Variants in CUBN observed in about 807,000 individuals in gnomAD.
CUBN encodes the protein cubilin.
Under a neutral mutation model 405.3 loss-of-function variants are expected in CUBN, and 282 were observed. The observed-to-expected ratio is 0.70, with a 90% confidence interval of 0.63 to 0.77. The LOEUF is 0.77. CUBN is among the 30% of genes least tolerant of loss of function. The probability of loss-of-function intolerance (pLI) is 0.00; values close to 1 mark genes in which losing one functional copy is unlikely to be tolerated. For missense variants in CUBN, 4,514 were observed against 4,475.2 expected (o/e 1.01, Z -0.25); for synonymous variants, 1,684 against 1,617.0 (o/e 1.04, Z -0.99).
At chr10:16,829,358 A>AAC (rs1554779107) in intron 65 of CUBN, among the ~76,000 whole-genome samples, 1 of 151,198 alleles carries the variant, frequency 6.6e-6, no homozygotes, top group Non-Finnish European at 1.5e-5. Flanking sequence ...AAAAAAAAAA[A>AAC]CAAACTTGAT....
At chr10:17,083,826 C>T (rs1273278549) in intron 17 of CUBN, among the ~76,000 whole-genome samples, 1 of 152,084 alleles carries the variant, frequency 6.6e-6, no homozygotes, top group African/African-American at 2.4e-5. Context: ...CCAGGCCCAG[C>T]AAACAAAAAC....
At chr10:17,095,728 T>C (rs1452236984) in intron 14 of CUBN, among the ~76,000 whole-genome samples, 2 of 152,088 alleles carry the variant, frequency 1.3e-5, no homozygotes, top group African/African-American at 4.8e-5. Context: ...GATTCAGCAA[T>C]CTCACTTCTG....
In CUBN at chr10:17,065,450, A is replaced by G. The variant is rs538882962; in HGVS notation, c.3139+58T>C. 70 of 1,604,570 alleles carry G rather than the reference A, an allele frequency of 4.4e-5. 2 individuals carry two copies. Among genetic ancestry groups the G allele is most frequent in the Admixed American group, 3.0e-4 (18 of 59,910 alleles). On this transcript the variant is annotated intron_variant, in intron 22 of 66. Coordinates refer to ENST00000377833, the MANE Select transcript of CUBN (RefSeq NM_001081.4). ...GATGTATTCTCATTGTGTTTTAGCT[A>G]TTAGCACTGTTTTGCAATGGAGTCA...
intron 15 of CUBN, among the ~76,000 whole-genome samples, chr10:17,086,363 A>C (rs1836109737): frequency 6.6e-6 from 1 of 152,200 alleles, no homozygotes; most frequent in South Asian, 2.1e-4. Context: ...TTCATTATAA[A>C]TTCTTAGTGA....
chr10:17,129,655 G>C lies in CUBN; in HGVS notation c.111C>G (p.Ile37Met). Residue 37 changes from isoleucine to methionine, a missense_variant, in exon 1 of 67, where the codon ATC becomes ATG. Coordinates refer to ENST00000377833, the MANE Select transcript of CUBN (RefSeq NM_001081.4). ...ATGTGTTTACTTACTGTTGGAGATTGATGCTTCTTTTTTGTCTCTGCAGCT... is the reference window on the plus strand; with the variant it reads ...ATGTGTTTACTTACTGTTGGAGATTCATGCTTCTTTTTTGTCTCTGCAGCT... The part of the protein sequence containing the change: ...ELELQRQKRS[I>M]NLQQPRMATE... 6.2e-7 allele frequency: 1 copy of C among 1,614,150 alleles called. No homozygotes were observed. The highest frequency in any genetic ancestry group is 8.5e-7 in the Non-Finnish European group (1 of 1,180,000).
At chr10:16,917,846 T>C (rs538476204) in intron 45 of CUBN, among the ~76,000 whole-genome samples, 1 of 152,212 alleles carries the variant, frequency 6.6e-6, no homozygotes, top group Non-Finnish European at 1.5e-5. Flanking sequence ...TCATGGTTTT[T>C]AAAAAAGTTT....
chr10:16,918,706 A>G lies in CUBN; in HGVS notation c.6916T>C (p.Trp2306Arg), dbSNP rs1322005237. The G allele has an allele frequency of 1.9e-5, 31 of 1,613,956 alleles. No individual in the cohort carries two copies. The highest frequency in any genetic ancestry group is 2.4e-5 in the Non-Finnish European group (28 of 1,179,892). ...AAATACATAACCTCTCCTGAGGACC[A>G]CTGACTGCTGGGCAAAGATGTCCCA... ...FCGTSLPSSQ[W>R]SSGEVMYLRF... The change falls in exon 45 of 67, where the codon TGG (tryptophan) becomes CGG (arginine). Residue 2306 changes from tryptophan to arginine, a missense_variant. Around this residue, in one of 5 missense-constraint regions of CUBN, gnomAD observed 1,613 missense variants for 1,542.8 expected, o/e 1.05. Coordinates refer to ENST00000377833, the MANE Select transcript of CUBN (RefSeq NM_001081.4).
At chr10:17,128,626 G>A (rs75647780) in intron 2 of CUBN, among the ~76,000 whole-genome samples, 5,191 of 152,118 alleles carry the variant, frequency 0.034, 287 homozygotes, top group African/African-American at 0.12. Flanking sequence ...GCATTGTCTG[G>A]CACAATGAGC....
At chr10:16,841,984 T>A (rs1158262381) in intron 60 of CUBN, among the ~76,000 whole-genome samples, 1 of 145,780 alleles carries the variant, frequency 6.9e-6, no homozygotes, top group Non-Finnish European at 1.5e-5. Context: ...AACATTCCCA[T>A]CTCCTTTCCT....
intron 59 of CUBN, among the ~76,000 whole-genome samples, chr10:16,852,850 T>A (rs544185600): frequency 6.6e-6 from 1 of 152,342 alleles, no homozygotes; most frequent in East Asian, 1.9e-4. Flanking sequence ...ACAAATCTTT[T>A]ATTTACACAG....
At chr10:17,104,811 AAT>A (rs1491580643) in intron 11 of CUBN, among the ~76,000 whole-genome samples, 9 of 122,590 alleles carry the variant, frequency 7.3e-5, no homozygotes, top group Non-Finnish European at 1.4e-4. Context: ...ATATATATAT[AAT>A]TTTTTTTTTT....
chr10:16,962,440 G>A (rs1457313079), intron 31 of CUBN, among the ~76,000 whole-genome samples: 1 of 151,874 alleles, frequency 6.6e-6, no homozygotes, highest in Non-Finnish European at 1.5e-5. Flanking sequence ...TTTCCAACTG[G>A]AGATTGTAGG....
chr10:16,861,069 G>T (rs1050921684), intron 59 of CUBN, among the ~76,000 whole-genome samples: 3 of 151,838 alleles, frequency 2.0e-5, no homozygotes, highest in African/African-American at 7.3e-5. Flanking sequence ...CATTACCAAT[G>T]TTCAGGTTAG....
intron 59 of CUBN, among the ~76,000 whole-genome samples, chr10:16,853,952 T>G (rs938588859): frequency 5.3e-5 from 8 of 152,160 alleles, no homozygotes; most frequent in Non-Finnish European, 1.2e-4. Context: ...AGTATTTAAG[T>G]AGAAAAAGAT....
chr10:17,065,444 T>C, intron 22 of CUBN, 64 bp downstream of exon 22: 1 of 1,599,568 alleles, frequency 6.3e-7, no homozygotes, highest in South Asian at 1.1e-5. Flanking sequence ...TCATTGTGTT[T>C]TAGCTATTAG....
chr10:16,937,255 G>A (rs906232036), intron 39 of CUBN, among the ~76,000 whole-genome samples: 13 of 152,082 alleles, frequency 8.5e-5, no homozygotes, highest in African/African-American at 3.1e-4. Context: ...TTAACTAACT[G>A]ATTGTGTGTG....
intron 59 of CUBN, among the ~76,000 whole-genome samples, chr10:16,859,597 A>G (rs1170400129): frequency 6.6e-6 from 1 of 152,188 alleles, no homozygotes; most frequent in African/African-American, 2.4e-5. Context: ...ATGAAAATAA[A>G]TGCCAAATTA....
rs369588303 is a variant in CUBN at position 16,947,337 on chromosome 10, C to G, written c.5240G>C (p.Gly1747Ala). Residue 1747 changes from glycine (G) to alanine (A), a missense_variant, in exon 36 of 67, where the codon GGC (glycine) becomes GCC (alanine). Physicochemically the swap from Gly to Ala is moderately conservative, Grantham distance 60 (BLOSUM62 0). Coordinates refer to ENST00000377833, the MANE Select transcript of CUBN (RefSeq NM_001081.4). ...ACGGTFYMAE[G>A]IFNSPGYPDI... ...TGGGTAGCCAGGGCTGTTGAAGATG[C>G]CTTCAGCCATGTAGAACGTTCCACC... 2 of 1,613,900 alleles carry G rather than the reference C, an allele frequency of 1.2e-6. No homozygotes were observed. The highest frequency in any genetic ancestry group is 2.2e-5 in the East Asian group (1 of 44,884).
At position 17,040,838 on chromosome 10, in the gene CUBN, T is replaced by C. The variant is rs17139694; in HGVS notation, c.4017+195A>G. ...GAAGTTACACTGAAACCTAAAAACA[T>C]AGATAGTTCTCTGTATTCACAATTT... On this transcript the variant is annotated intron_variant, in intron 27 of 66. Transcript: ENST00000377833. Among the ~76,000 whole-genome samples the C allele has an allele frequency of 5.6e-3, 857 of 152,270 alleles. 11 individuals are homozygous for C. The highest frequency in any genetic ancestry group is 0.02 in the African/African-American group (827 of 41,568).
Sources: allele counts gnomAD v4.1 joint callset (sites outside exome capture counted in the v4.1 genomes callset), GRCh38; gene constraint gnomAD v4.1.1; regional missense constraint gnomAD v4.1.1; transcripts MANE v1.5; gene names NCBI Gene and HGNC (gene_info 2026-07-23, HGNC 2026-07-21).